The following JAK2 variants were observed in gnomAD, a reference collection of about 807,000 sequenced individuals.
JAK2 encodes Janus kinase 2, also known as tyrosine-protein kinase JAK2.
A neutral mutation model predicts 139.3 loss-of-function variants in JAK2; 86 were observed. That is an observed-to-expected ratio of 0.62 (90% CI 0.52 to 0.74). The LOEUF (loss-of-function observed/expected upper bound fraction) is 0.74, where lower values mean the gene tolerates loss of function less well. JAK2 is among the 30% of genes least tolerant of loss of function. The pLI, the probability that JAK2 is intolerant of heterozygous loss-of-function variation, is 0.00. For missense variants in JAK2, 1,421 were observed against 1,360.3 expected, an observed-to-expected ratio of 1.04 and a Z score of -0.70; for synonymous variants, 490 against 437.7, an observed-to-expected ratio of 1.12 and a Z score of -1.49.
chr9:4,998,269 G>A (rs1405553037), intron 2 of JAK2, among the ~76,000 whole-genome samples: 1 of 151,970 alleles, frequency 6.6e-6, no homozygotes, highest in Non-Finnish European at 1.5e-5. Flanking sequence ...TTTTGTTGTT[G>A]TTGTTGAGAT....
intron 2 of JAK2, among the ~76,000 whole-genome samples, chr9:5,018,199 A>T (rs1463075498): frequency 6.6e-6 from 1 of 151,634 alleles, no homozygotes; most frequent in African/African-American, 2.4e-5. Flanking sequence ...ATTGTTTAGC[A>T]TTGTGGTTTG....
chr9:5,015,023 G>A (rs1012691587), intron 2 of JAK2, among the ~76,000 whole-genome samples: 3 of 151,908 alleles, frequency 2.0e-5, no homozygotes, highest in Non-Finnish European at 2.9e-5. Flanking sequence ...TTAGAAAAAC[G>A]GTATTTTACA....
intron 16 of JAK2, among the ~76,000 whole-genome samples, 170 bp from the exon 17 acceptor site, chr9:5,080,059 C>G (rs553792695): frequency 6.6e-6 from 1 of 152,254 alleles, no homozygotes; most frequent in Admixed American, 6.5e-5. Context: ...TTGAAGGTCC[C>G]TTCTGGTTCT....
chr9:5,021,157 G>A (rs545112108), intron 2 of JAK2, among the ~76,000 whole-genome samples: 1 of 152,234 alleles, frequency 6.6e-6, no homozygotes, highest in East Asian at 1.9e-4. Flanking sequence ...GATCCTGGCT[G>A]AGCAGGCTGC....
intron 2 of JAK2, among the ~76,000 whole-genome samples, chr9:5,004,918 CTTTT>C (rs557320182): frequency 7.6e-6 from 1 of 131,344 alleles, no homozygotes; most frequent in African/African-American, 2.9e-5. Flanking sequence ...TACATATTGT[CTTTT>C]TTTTTTTTTT....
intron 3 of JAK2, among the ~76,000 whole-genome samples, chr9:5,027,879 T>C (rs2130132702): frequency 6.6e-6 from 1 of 152,272 alleles, no homozygotes; most frequent in East Asian, 1.9e-4. Context: ...ACTTCTAATT[T>C]TAGTTCTCTT....
In JAK2 at chr9:5,022,152, G is replaced by C. The variant is rs1379385626; in HGVS notation, c.165G>C (p.Leu55=). 2 of 1,614,028 alleles carry C rather than the reference G, an allele frequency of 1.2e-6. No homozygotes were observed. Among genetic ancestry groups the C allele is most frequent in the Non-Finnish European group, 1.7e-6 (2 of 1,180,006 alleles). The change falls in exon 3 of 25, where the codon CTG becomes CTC. Residue 55 remains leucine, a synonymous_variant. Coordinates refer to ENST00000381652, the MANE Select transcript of JAK2 (RefSeq NM_004972.4). ...TTGGGAAATCTGAGGCAGATTATCT[G>C]ACCTTTCCATCTGGGGAGTATGTTG... The part of the protein sequence containing the change: ...HSLGKSEADY[L]TFPSGEYVAE...
At chr9:5,086,392 T>C (rs1011971247) in intron 19 of JAK2, among the ~76,000 whole-genome samples, 3 of 152,358 alleles carry the variant, frequency 2.0e-5, no homozygotes, top group Admixed American at 6.5e-5. Context: ...GGTGCAGATA[T>C]GGGATTCAGA....
chr9:5,088,196 C>T (rs536295010), intron 19 of JAK2, among the ~76,000 whole-genome samples: 2 of 152,250 alleles, frequency 1.3e-5, no homozygotes, highest in East Asian at 3.9e-4. Context: ...GATCAATATT[C>T]TAGTTCCAAT....
rs1027737449 is a variant in JAK2 at position 5,085,707 on chromosome 9, G to A, written c.2571+3846G>A. On this transcript the variant is annotated intron_variant, in intron 19 of 24. Coordinates refer to ENST00000381652, the MANE Select transcript of JAK2 (RefSeq NM_004972.4). ...AATAACGTCATCGTGAACAAGACTA[G>A]CAGTGTGGATCATTTCTGCAATTAA... is the stretch of plus-strand genomic sequence containing the variant. The A allele has an allele frequency of 6.7e-6, 5 of 749,072 alleles. No homozygotes were observed. In the African/African-American group the frequency reaches 8.6e-5, roughly 13 times the overall value. 46.4% of individuals were successfully genotyped at this position (749,072 alleles called of 1,614,324 possible).
At chr9:5,076,919 G>T (rs1383027297) in intron 14 of JAK2, among the ~76,000 whole-genome samples, 1 of 150,918 alleles carries the variant, frequency 6.6e-6, no homozygotes, top group Admixed American at 6.7e-5. Flanking sequence ...TTGTTTTTCT[G>T]GCAAAATATG....
chr9:5,013,791 T>G (rs1587826408), intron 2 of JAK2, among the ~76,000 whole-genome samples: 1 of 152,326 alleles, frequency 6.6e-6, no homozygotes, highest in East Asian at 1.9e-4. Context: ...AAATTTATTT[T>G]GTACTTAGAT....
intron 22 of JAK2, among the ~76,000 whole-genome samples, chr9:5,117,570 A>C (rs1445523790): frequency 6.6e-6 from 1 of 152,232 alleles, no homozygotes; most frequent in East Asian, 1.9e-4. Flanking sequence ...ACTTGCAAAA[A>C]TGTAAAACAA....
chr9:5,128,697 A>G lies in JAK2; in HGVS notation c.*1906A>G, dbSNP rs1824158971. Among the ~76,000 whole-genome samples the G allele has an allele frequency of 6.6e-6, 1 of 151,944 alleles. No individual in the cohort carries two copies. The highest frequency in any genetic ancestry group is 2.4e-5 in the African/African-American group (1 of 41,426). ...GAATGGGGTGACTACCTTATTATAA[A>G]ATTCCAAGTTTCCAAGAGACTTCTT... On this transcript the variant is annotated 3_prime_UTR_variant, in exon 25 of 25. Coordinates refer to ENST00000381652, the MANE Select transcript of JAK2 (RefSeq NM_004972.4).
chr9:5,010,346 C>T (rs780904798), intron 2 of JAK2, among the ~76,000 whole-genome samples: 4 of 149,930 alleles, frequency 2.7e-5, no homozygotes, highest in East Asian at 1.9e-4. Context: ...TTTTTTTAGA[C>T]GGAGTCTCGC....
intron 22 of JAK2, among the ~76,000 whole-genome samples, chr9:5,102,023 C>T (rs905590222): frequency 1.3e-5 from 2 of 152,172 alleles, no homozygotes; most frequent in African/African-American, 4.8e-5. Context: ...TCCTTGCCAG[C>T]TGGATGGAGA....
In JAK2 at chr9:5,126,396, C is replaced by A. The variant is rs377212884; in HGVS notation, c.3241C>A (p.Leu1081Ile). ...GATGATCGTGTTCCATTTGATAGAA[C>A]TTTTGAAGAATAATGGAAGATTACC... is the stretch of plus-strand genomic sequence containing the variant. ...GQMIVFHLIELLKNNGRLPRP... is the reference protein window; with the variant it reads ...GQMIVFHLIEILKNNGRLPRP... The change falls in exon 24 of 25, where the codon CTT becomes ATT. Residue 1081 changes from leucine (L) to isoleucine (I), a missense_variant. Coordinates refer to ENST00000381652, the MANE Select transcript of JAK2 (RefSeq NM_004972.4). 6.2e-7 allele frequency: 1 copy of A among 1,610,598 alleles called. No individual in the cohort carries two copies. Among genetic ancestry groups the A allele is most frequent in the South Asian group, 1.1e-5 (1 of 90,808 alleles).
Position 5,066,805 on chromosome 9 carries a change from T to C in JAK2, c.1326+16T>C, listed in dbSNP as rs2130506368. On this transcript the variant is annotated intron_variant, in intron 10 of 24. Transcript: ENST00000381652. The stretch of plus-strand genomic sequence containing the variant: ...TGCTGTCGAGGTTAGTATGTCACAC[T>C]TATTAGTGGTAACACTTTATTTAGT... 1.7e-6 allele frequency: 2 copies of C among 1,152,930 alleles called. No homozygotes were observed. Among genetic ancestry groups the C allele is most frequent in the Non-Finnish European group, 2.5e-6 (2 of 814,026 alleles). The allele number at this position is 1,152,930 out of a possible 1,614,324, so 71.4% of individuals were successfully genotyped here. A position where few individuals can be genotyped will look rare whatever the true frequency, so the allele number is the denominator to read the frequency against.
chr9:5,123,149 T>A (rs1010569528), intron 23 of JAK2, 28 bp downstream of exon 23: 7 of 1,454,036 alleles, frequency 4.8e-6, no homozygotes, highest in Non-Finnish European at 6.6e-6. Context: ...TTACTTTCAG[T>A]TTTTTGTTTG....
Sources: allele counts gnomAD v4.1 joint callset (sites outside exome capture counted in the v4.1 genomes callset), GRCh38; gene constraint gnomAD v4.1.1; transcripts MANE v1.5; gene names NCBI Gene and HGNC (gene_info 2026-07-23, HGNC 2026-07-21).